The following WWOX variants were observed in gnomAD, a reference collection of about 807,000 sequenced individuals.
WWOX encodes the protein WW domain-containing oxidoreductase.
In WWOX, 69 loss-of-function variants were observed where a neutral mutation model predicts 46.2. The ratio of observed to expected loss-of-function variants is 1.49; its 90% confidence interval spans 1.23 to 1.82. The LOEUF is 1.82. WWOX is among the 40% of genes most tolerant of loss of function. The pLI, the probability that WWOX is intolerant of heterozygous loss-of-function variation, is 0.00. For synonymous variants in WWOX, 359 were observed against 202.6 expected (o/e 1.77, Z -6.56); for missense variants, 919 against 542.6 (o/e 1.69, Z -6.89).
At chr16:78,366,011 T>C (rs372875549) in intron 5 of WWOX, among the ~76,000 whole-genome samples, 2 of 152,210 alleles carry the variant, frequency 1.3e-5, no homozygotes, top group South Asian at 2.1e-4. Flanking sequence ...TTTTCCTAGA[T>C]TCAGGAAAGT....
Position 78,698,790 on chromosome 16 carries a change from A to G in WWOX, c.1056+266038A>G, listed in dbSNP as rs75549453. ...CTGGAGATCAAGGCTGCAATGAGCT[A>G]TGACTATACCTGTGACTAGCCACTG... On this transcript the variant is annotated intron_variant, in intron 8 of 8. Transcript: ENST00000566780. Among the ~76,000 whole-genome samples the G allele has an allele frequency of 3.3e-5, 5 of 152,292 alleles. No homozygotes were observed. In the East Asian group the frequency reaches 9.6e-4, roughly 29 times the overall value.
intron 8 of WWOX, among the ~76,000 whole-genome samples, chr16:78,885,567 C>T (rs930095390): frequency 1.3e-5 from 2 of 152,176 alleles, no homozygotes; most frequent in South Asian, 4.1e-4. Flanking sequence ...GATGTGATTT[C>T]CAACATAGAG....
chr16:78,364,857 C>G (rs149876176), intron 5 of WWOX, among the ~76,000 whole-genome samples: 2 of 152,156 alleles, frequency 1.3e-5, no homozygotes, highest in South Asian at 2.1e-4. Flanking sequence ...TTCCTACATG[C>G]AGTCGTTTTG....
intron 8 of WWOX, among the ~76,000 whole-genome samples, chr16:78,976,873 A>T (rs1478527229): frequency 6.6e-6 from 1 of 152,182 alleles, no homozygotes; most frequent in East Asian, 1.9e-4. Context: ...TAGCATCCAA[A>T]GTATGCACGC....
intron 5 of WWOX, among the ~76,000 whole-genome samples, chr16:78,324,803 G>A (rs943515191): frequency 6.6e-6 from 1 of 151,986 alleles, no homozygotes; most frequent in African/African-American, 2.4e-5. Flanking sequence ...GGGCGGGATA[G>A]GAGGGGTAGA....
rs541485858 is a variant in WWOX at position 78,630,892 on chromosome 16, G to A, written c.1056+198140G>A. On this transcript the variant is annotated intron_variant, in intron 8 of 8. Coordinates refer to ENST00000566780, the MANE Select transcript of WWOX (RefSeq NM_016373.4). ...ATGCAGTCAGCCCCCCTCTCTCTGG[G>A]TTCTACATATGTAGATTTAACTAAT... is the stretch of plus-strand genomic sequence containing the variant. Among the ~76,000 whole-genome samples the A allele has an allele frequency of 3.2e-4, 48 of 152,146 alleles. No homozygotes were observed. In the South Asian group the frequency reaches 9.6e-3, roughly 30 times the overall value.
At chr16:78,432,017 G>C (rs984212765) in intron 7 of WWOX, among the ~76,000 whole-genome samples, 1 of 152,100 alleles carries the variant, frequency 6.6e-6, no homozygotes, top group African/African-American at 2.4e-5. Flanking sequence ...GACATGACCT[G>C]TGTTTATATT....
chr16:78,640,328 C>G (rs1420515166), intron 8 of WWOX, among the ~76,000 whole-genome samples: 1 of 136,716 alleles, frequency 7.3e-6, no homozygotes, highest in Non-Finnish European at 1.5e-5. Flanking sequence ...ATCCAGATCT[C>G]TGACTTCCCT....
chr16:78,654,576 C>A (rs1024666800), intron 8 of WWOX, among the ~76,000 whole-genome samples: 2 of 151,894 alleles, frequency 1.3e-5, no homozygotes, highest in Non-Finnish European at 2.9e-5. Flanking sequence ...CTGATTTCTC[C>A]GTGATATAAA....
Position 78,801,579 on chromosome 16 carries a change from C to T in WWOX, c.1056+368827C>T, listed in dbSNP as rs532685770. On this transcript the variant is annotated intron_variant, in intron 8 of 8. Coordinates refer to ENST00000566780, the MANE Select transcript of WWOX (RefSeq NM_016373.4). ...TATCCTTCTAGCATTTGAATGCAGC[C>T]AAAGTCCTTACTGGGCAAATTTTTG... Among the ~76,000 whole-genome samples, 7 of 152,242 alleles carry T rather than the reference C, an allele frequency of 4.6e-5. No homozygotes were observed. The South Asian group carries it at 1.0e-3, about 23-fold the overall frequency.
intron 8 of WWOX, among the ~76,000 whole-genome samples, chr16:78,844,158 G>A (rs936214122): frequency 1.4e-4 from 21 of 152,170 alleles, no homozygotes; most frequent in African/African-American, 4.1e-4. Flanking sequence ...ATTTAGCCAA[G>A]TAAAACTGTA....
intron 8 of WWOX, among the ~76,000 whole-genome samples, chr16:78,773,554 G>C (rs750449627): frequency 1.4e-4 from 21 of 152,184 alleles, no homozygotes; most frequent in Non-Finnish European, 2.5e-4. Context: ...ACTATTCTTA[G>C]ACTAGTGGGG....
chr16:79,099,178 A>G (rs1460330213), intron 8 of WWOX, among the ~76,000 whole-genome samples: 1 of 152,204 alleles, frequency 6.6e-6, no homozygotes, highest in African/African-American at 2.4e-5. Flanking sequence ...TGAGGATGGC[A>G]TGAAGCCCTT....
At chr16:78,218,030 C>T (rs1460029307) in intron 5 of WWOX, among the ~76,000 whole-genome samples, 1 of 152,002 alleles carries the variant, frequency 6.6e-6, no homozygotes, top group East Asian at 1.9e-4. Flanking sequence ...TTTCCCTCTC[C>T]CTCCCTGTGC....
intron 4 of WWOX, among the ~76,000 whole-genome samples, chr16:78,139,404 G>C (rs995946504): frequency 6.6e-6 from 1 of 152,160 alleles, no homozygotes; most frequent in Admixed American, 6.5e-5. Flanking sequence ...CCAGTACTTT[G>C]GGAGGCCAAG....
intron 8 of WWOX, among the ~76,000 whole-genome samples, chr16:79,095,205 C>T (rs767200599): frequency 6.6e-5 from 10 of 152,140 alleles, no homozygotes; most frequent in Non-Finnish European, 1.0e-4. Context: ...TGTCGTTTTC[C>T]TTTCTACCCC....
intron 8 of WWOX, among the ~76,000 whole-genome samples, chr16:78,939,677 T>G (rs1169973311): frequency 6.6e-6 from 1 of 152,236 alleles, no homozygotes; most frequent in African/African-American, 2.4e-5. Flanking sequence ...GGAAGTTCCC[T>G]GAAACATGAA....
intron 8 of WWOX, among the ~76,000 whole-genome samples, chr16:78,796,304 A>C (rs2050736093): frequency 6.6e-6 from 1 of 152,220 alleles, no homozygotes; most frequent in Admixed American, 6.5e-5. Context: ...CATACCCTGG[A>C]GCCTCCAAAT....
chr16:78,219,513 C>G (rs1024795551), intron 5 of WWOX, among the ~76,000 whole-genome samples: 1 of 152,152 alleles, frequency 6.6e-6, no homozygotes, highest in Non-Finnish European at 1.5e-5. Context: ...TGTAACATGA[C>G]TTTAAATTGA....
Sources: gnomAD v4.1 joint callset for allele counts (sites outside exome capture counted in the v4.1 genomes callset) on GRCh38, gnomAD v4.1.1 for gene constraint, MANE v1.5 for transcripts, NCBI Gene and HGNC (gene_info 2026-07-23, HGNC 2026-07-21) for gene names.